ZCCHC24: variants seen among roughly 807,000 people sequenced by gnomAD.
ZCCHC24 encodes the protein zinc finger CCHC-type containing 24.
ZCCHC24 carries 10 observed loss-of-function variants against 26.2 expected under a neutral mutation model. The ratio of observed to expected loss-of-function variants is 0.38; its 90% CI spans 0.24 to 0.65. The LOEUF (loss-of-function observed/expected upper bound fraction) is 0.65. ZCCHC24 is among the 30% of genes least tolerant of loss of function. ZCCHC24 has a pLI of 0.54. For synonymous variants in ZCCHC24, 144 were observed against 147.1 expected (o/e 0.98, Z 0.15); for missense variants, 243 against 329.1 (o/e 0.74, Z 2.03).
At chr10:79,395,814 A>G (rs182698558) in intron 2 of ZCCHC24, among the ~76,000 whole-genome samples, 1,633 of 148,850 alleles carry the variant, frequency 0.011, 32 homozygotes, top group African/African-American at 0.04. Context: ...TATCTCCCAC[A>G]CAGTGTTATT....
chr10:79,434,929 C>T (rs1355896298), intron 1 of ZCCHC24, among the ~76,000 whole-genome samples: 1 of 152,062 alleles, frequency 6.6e-6, no homozygotes, highest in African/African-American at 2.4e-5. Flanking sequence ...TTTTCAAGCT[C>T]CCCCAGGCAA....
At chr10:79,443,398 G>A (rs1857314972) in intron 1 of ZCCHC24, among the ~76,000 whole-genome samples, 1 of 152,172 alleles carries the variant, frequency 6.6e-6, no homozygotes, top group African/African-American at 2.4e-5. Flanking sequence ...ACCATGGTAG[G>A]GGGAGCAGAG....
At chr10:79,413,665 G>C (rs1020710169) in intron 2 of ZCCHC24, among the ~76,000 whole-genome samples, 2 of 152,140 alleles carry the variant, frequency 1.3e-5, no homozygotes, top group African/African-American at 4.8e-5. Context: ...GGGAGTTCAG[G>C]GCCCTGGGTT....
chr10:79,439,792 C>CAAAAAA (rs3997794), intron 1 of ZCCHC24, among the ~76,000 whole-genome samples: 2 of 116,180 alleles, frequency 1.7e-5, no homozygotes, highest in South Asian at 2.9e-4. Context: ...CAGACTCCAT[C>CAAAAAA]AAAAAAAAAA....
Position 79,445,367 on chromosome 10 carries a change from T to C in ZCCHC24, c.74A>G (p.Tyr25Cys). 1 of 1,537,238 alleles carries C rather than the reference T, an allele frequency of 6.5e-7. No homozygotes were observed. Among genetic ancestry groups the C allele is most frequent in the Non-Finnish European group, 8.7e-7 (1 of 1,144,568 alleles). Residue 25 changes from tyrosine (Y) to cysteine (C), a missense_variant, in exon 1 of 4, where the codon TAC becomes TGC. Physicochemically the swap from Tyr to Cys is radical, Grantham distance 194 (BLOSUM62 -2). This residue lies in a region of ZCCHC24 where 147 missense variants were observed against 150.8 expected (regional missense o/e 0.97). Transcript: ENST00000372336. Reference protein sequence around the residue: ...YQPAQLLNWVYLSLQDTHQAS... With the variant: ...YQPAQLLNWVCLSLQDTHQAS... The stretch of plus-strand genomic sequence containing the variant: ...CTGGTGCGTGTCCTGCAGCGACAGG[T>C]AGACCCAGTTGAGCAGCTGGGCGGG...
At chr10:79,425,808 C>G (rs1857019737) in intron 2 of ZCCHC24, among the ~76,000 whole-genome samples, 1 of 152,144 alleles carries the variant, frequency 6.6e-6, no homozygotes, top group Non-Finnish European at 1.5e-5. Flanking sequence ...ATTATTATTA[C>G]CTTGGGGCCG....
intron 3 of ZCCHC24, among the ~76,000 whole-genome samples, chr10:79,388,215 A>C (rs1438695918): frequency 2.0e-5 from 3 of 151,998 alleles, no homozygotes; most frequent in Admixed American, 1.3e-4. Context: ...TAATGAATAC[A>C]AACAGCCCGG....
intron 2 of ZCCHC24, among the ~76,000 whole-genome samples, chr10:79,420,199 C>T (rs1856918619): frequency 6.6e-6 from 1 of 152,182 alleles, no homozygotes; most frequent in African/African-American, 2.4e-5. Context: ...CATCGCCCCT[C>T]CTCCCACAGC....
At chr10:79,414,332 A>G (rs1306054154) in intron 2 of ZCCHC24, among the ~76,000 whole-genome samples, 22 of 152,264 alleles carry the variant, frequency 1.4e-4, no homozygotes, top group Admixed American at 1.4e-3. Context: ...TTTAGAGAAG[A>G]ATAATAACTG....
intron 1 of ZCCHC24, among the ~76,000 whole-genome samples, chr10:79,437,976 G>A (rs1041897065): frequency 3.3e-5 from 5 of 152,208 alleles, no homozygotes; most frequent in Non-Finnish European, 5.9e-5. Flanking sequence ...AGGAGAGGCA[G>A]TGACAGCAGG....
At chr10:79,392,802 ACTGGCCGGGCTT>A (rs748195318) in intron 3 of ZCCHC24, among the ~76,000 whole-genome samples, 84 of 152,204 alleles carry the variant, frequency 5.5e-4, no homozygotes, top group Non-Finnish European at 1.1e-3. Context: ...CTCATGCCTG[ACTGGCCGGGCTT>A]CTGTGCTTCT....
At chr10:79,399,073 G>A (rs1856592706) in intron 2 of ZCCHC24, among the ~76,000 whole-genome samples, 1 of 152,134 alleles carries the variant, frequency 6.6e-6, no homozygotes, top group African/African-American at 2.4e-5. Context: ...AAAATTCCTA[G>A]GGCCTCCCCT....
At chr10:79,430,721 T>C (rs1372817168) in intron 2 of ZCCHC24, among the ~76,000 whole-genome samples, 1 of 111,644 alleles carries the variant, frequency 9.0e-6, no homozygotes, top group Non-Finnish European at 1.9e-5. Context: ...CACCCTCTGC[T>C]ATCCCCGGGC....
intron 3 of ZCCHC24, among the ~76,000 whole-genome samples, chr10:79,387,321 G>C (rs1856410861): frequency 6.6e-6 from 1 of 152,206 alleles, no homozygotes; most frequent in South Asian, 2.1e-4. Context: ...GGAGGATCCA[G>C]AGAGACGTCT....
intron 2 of ZCCHC24, among the ~76,000 whole-genome samples, chr10:79,402,644 T>C (rs548496625): frequency 1.3e-5 from 2 of 152,200 alleles, no homozygotes; most frequent in South Asian, 2.1e-4. Flanking sequence ...TAGCATTCAA[T>C]GAGCACCTAC....
chr10:79,438,228 GCA>G lies in ZCCHC24; in HGVS notation c.247-5472_247-5471del, dbSNP rs1230479684. 5.9e-5 allele frequency among the ~76,000 whole-genome samples: 9 copies of G among 151,972 alleles called. No homozygotes were observed. The South Asian group carries it at 1.7e-3, about 28-fold the overall frequency. On this transcript the variant is annotated intron_variant, in intron 1 of 3. Transcript: ENST00000372336. ...CCCCTACTCCACCCCACAGACACGCGCACACACACACGCACCCACACTCCTCT... is the reference window on the plus strand; with the variant it reads ...CCCCTACTCCACCCCACAGACACGCGCACACACACGCACCCACACTCCTCT...
intron 2 of ZCCHC24, among the ~76,000 whole-genome samples, chr10:79,396,237 A>G (rs1856545074): frequency 6.6e-6 from 1 of 152,212 alleles, no homozygotes; most frequent in Admixed American, 6.5e-5. Flanking sequence ...GCCATGCTTT[A>G]TTACCCCATT....
intron 2 of ZCCHC24, 110 bp downstream of exon 2, chr10:79,432,448 A>G: frequency 6.1e-6 from 7 of 1,144,096 alleles, no homozygotes; most frequent in Non-Finnish European, 8.4e-6. Context: ...GGGGCCACTC[A>G]TTGGTGGAAG....
At chr10:79,417,303 C>A (rs957323028) in intron 2 of ZCCHC24, among the ~76,000 whole-genome samples, 1 of 82,274 alleles carries the variant, frequency 1.2e-5, no homozygotes, top group African/African-American at 3.5e-5. Flanking sequence ...ATGCCTACTG[C>A]TTTGGGGGCA....
Sources: allele counts gnomAD v4.1 joint callset (sites outside exome capture counted in the v4.1 genomes callset), GRCh38; gene constraint gnomAD v4.1.1; regional missense constraint gnomAD v4.1.1; transcripts MANE v1.5; gene names NCBI Gene and HGNC (gene_info 2026-07-23, HGNC 2026-07-21).